HPSE2: variants seen among roughly 807,000 people sequenced by gnomAD.
HPSE2 encodes inactive heparanase-2.
Under a neutral mutation model 60.5 loss-of-function variants are expected in HPSE2, and 38 were observed. The observed-to-expected ratio is 0.63, with a 90% CI of 0.48 to 0.82. The LOEUF is 0.82. Among genes scored for constraint, HPSE2 ranks in the 40% least tolerant of loss-of-function variants. The pLI, the probability that HPSE2 is intolerant of heterozygous loss-of-function variation, is 0.00. For missense variants in HPSE2, 713 were observed against 740.4 expected (o/e 0.96, Z 0.43); for synonymous variants, 295 against 293.2 (o/e 1.01, Z -0.06).
intron 3 of HPSE2, among the ~76,000 whole-genome samples, chr10:98,747,485 T>C (rs977427962): frequency 1.3e-5 from 2 of 152,196 alleles, no homozygotes; most frequent in African/African-American, 4.8e-5. Context: ...GATTTGATGG[T>C]TTAAGGCAAG....
chr10:99,215,953 T>C (rs923595404), intron 2 of HPSE2, among the ~76,000 whole-genome samples: 1 of 152,220 alleles, frequency 6.6e-6, no homozygotes, highest in Non-Finnish European at 1.5e-5. Flanking sequence ...ATAAGACAAA[T>C]ACTTGTAAAG....
intron 11 of HPSE2, among the ~76,000 whole-genome samples, chr10:98,464,585 C>T (rs754585): frequency 0.39 from 59,303 of 152,092 alleles, 12,572 homozygotes; most frequent in East Asian, 0.52. Flanking sequence ...CTAACTGTGG[C>T]CCTTATTGTA....
chr10:99,150,203 A>C (rs949287177), intron 2 of HPSE2, among the ~76,000 whole-genome samples: 1 of 152,184 alleles, frequency 6.6e-6, no homozygotes, highest in Admixed American at 6.5e-5. Context: ...GTATAAAAGC[A>C]TTTGTATTTT....
At chr10:98,790,805 AAAAT>A (rs1221146321) in intron 3 of HPSE2, among the ~76,000 whole-genome samples, 11 of 152,092 alleles carry the variant, frequency 7.2e-5, no homozygotes, top group Non-Finnish European at 1.5e-4. Context: ...AATAAAAAGA[AAAAT>A]AATGTGATAT....
At chr10:98,532,708 TAGG>T (rs762613211) in intron 9 of HPSE2, among the ~76,000 whole-genome samples, 14 of 152,142 alleles carry the variant, frequency 9.2e-5, no homozygotes, top group Non-Finnish European at 1.6e-4. Context: ...AATAAAGGAG[TAGG>T]AGAAGATGGT....
the HPSE2 span, among the ~76,000 whole-genome samples, chr10:99,250,848 T>A: frequency 2.0e-4 from 30 of 152,288 alleles, no homozygotes; most frequent in African/African-American, 7.0e-4. Flanking sequence ...CCCTGAGTTG[T>A]ATCAAAAGCA....
At chr10:98,859,075 C>T (rs1264137812) in intron 3 of HPSE2, among the ~76,000 whole-genome samples, 7 of 152,252 alleles carry the variant, frequency 4.6e-5, no homozygotes, top group African/African-American at 9.6e-5. Flanking sequence ...ACCATAGGTG[C>T]GTTTCACTGT....
In HPSE2 at chr10:99,172,119, G is replaced by A. The variant is rs144440908; in HGVS notation, c.449-27720C>T. On this transcript the variant is annotated intron_variant, in intron 2 of 11. Transcript: ENST00000370552. Reference sequence around the variant, plus strand: ...TGTGTGATGCTGAGGTTTAGGATACGAATGATCCCATCATCCAGATAGTGA... The same window carrying A: ...TGTGTGATGCTGAGGTTTAGGATACAAATGATCCCATCATCCAGATAGTGA... Among the ~76,000 whole-genome samples, 798 of 152,298 alleles carry A rather than the reference G, an allele frequency of 5.2e-3. 9 individuals are homozygous for A. Among genetic ancestry groups the A allele is most frequent in the African/African-American group, 0.018 (752 of 41,562 alleles).
chr10:98,745,420 C>G (rs1223192470), intron 3 of HPSE2, among the ~76,000 whole-genome samples: 1 of 152,086 alleles, frequency 6.6e-6, no homozygotes, highest in Non-Finnish European at 1.5e-5. Flanking sequence ...TTCATCTTCC[C>G]CCAGTCACTC....
intron 3 of HPSE2, among the ~76,000 whole-genome samples, chr10:98,991,083 T>C (rs1355869216): frequency 6.6e-6 from 1 of 152,198 alleles, no homozygotes; most frequent in Non-Finnish European, 1.5e-5. Context: ...CCTTCATCTA[T>C]CAAATGGCTA....
At chr10:98,992,961 A>G (rs934738448) in intron 3 of HPSE2, among the ~76,000 whole-genome samples, 3 of 152,318 alleles carry the variant, frequency 2.0e-5, no homozygotes, top group African/African-American at 7.2e-5. Context: ...TCTACAGTTA[A>G]CCAATATCCA....
At chr10:99,053,036 C>A (rs1178765787) in intron 3 of HPSE2, among the ~76,000 whole-genome samples, 3 of 105,510 alleles carry the variant, frequency 2.8e-5, no homozygotes, top group South Asian at 3.4e-4. Context: ...TTATTAATTT[C>A]TTGAAAAAAA....
At chr10:98,734,609 T>C (rs1306224894) in intron 4 of HPSE2, among the ~76,000 whole-genome samples, 1 of 152,186 alleles carries the variant, frequency 6.6e-6, no homozygotes, top group Admixed American at 6.5e-5. Context: ...TGATGGCTAA[T>C]GATGTTGAGC....
intron 6 of HPSE2, among the ~76,000 whole-genome samples, chr10:98,684,554 C>A (rs1223586140): frequency 4.6e-5 from 7 of 152,002 alleles, no homozygotes; most frequent in East Asian, 1.9e-4. Context: ...AAATTCTGAC[C>A]AATATTTAAG....
intron 3 of HPSE2, among the ~76,000 whole-genome samples, chr10:98,769,486 T>C (rs1950196435): frequency 6.6e-6 from 1 of 152,218 alleles, no homozygotes; most frequent in Non-Finnish European, 1.5e-5. Flanking sequence ...CCACTGAGCC[T>C]GTGATAAAGC....
intron 3 of HPSE2, among the ~76,000 whole-genome samples, chr10:98,955,723 T>C (rs185794881): frequency 4.3e-4 from 66 of 152,238 alleles, no homozygotes; most frequent in Non-Finnish European, 4.9e-4. Context: ...CCATCAATCA[T>C]AGACTGCATA....
intron 9 of HPSE2, among the ~76,000 whole-genome samples, chr10:98,532,021 C>G (rs1422079039): frequency 1.3e-5 from 2 of 151,990 alleles, no homozygotes; most frequent in Non-Finnish European, 2.9e-5. Context: ...TAAATTAGCC[C>G]CAGAAGGTCC....
At chr10:98,619,197 T>C (rs529737148) in intron 8 of HPSE2, among the ~76,000 whole-genome samples, 1 of 152,020 alleles carries the variant, frequency 6.6e-6, no homozygotes, top group South Asian at 2.1e-4. Context: ...GCAAAACACA[T>C]AGCTGAGGGC....
chr10:98,717,215 G>A (rs1202401100), intron 5 of HPSE2, among the ~76,000 whole-genome samples: 2 of 152,124 alleles, frequency 1.3e-5, no homozygotes, highest in East Asian at 3.9e-4. Flanking sequence ...GTCTTGTCCT[G>A]GATTAGGATT....
Sources: gnomAD v4.1 joint callset for allele counts (sites outside exome capture counted in the v4.1 genomes callset) on GRCh38, gnomAD v4.1.1 for gene constraint, MANE v1.5 for transcripts, NCBI Gene and HGNC (gene_info 2026-07-23, HGNC 2026-07-21) for gene names.